Variants in CABIN1 observed in about 807,000 individuals in gnomAD.
CABIN1 encodes the protein calcineurin binding protein 1, also known as calcineurin-binding protein cabin-1.
A neutral mutation model predicts 227.7 loss-of-function variants in CABIN1; 133 were observed. The ratio of observed to expected loss-of-function variants is 0.58; its 90% CI spans 0.51 to 0.67. The LOEUF (loss-of-function observed/expected upper bound fraction) is 0.67, where lower values mean the gene tolerates loss of function less well. CABIN1 is among the 30% of genes least tolerant of loss of function. The pLI is 0.00. For synonymous variants in CABIN1, 1,086 were observed against 1,155.1 expected (o/e 0.94, Z 1.21); for missense variants, 2,408 against 2,852.5 (o/e 0.84, Z 3.55).
At chr22:24,050,044 C>T (rs1025048983) in intron 7 of CABIN1, among the ~76,000 whole-genome samples, 1 of 152,160 alleles carries the variant, frequency 6.6e-6, no homozygotes, top group Non-Finnish European at 1.5e-5. Context: ...CTGCCCTTCC[C>T]CACAGCCCTC....
chr22:24,089,754 G>A (rs1359232300), intron 23 of CABIN1, among the ~76,000 whole-genome samples: 1 of 152,202 alleles, frequency 6.6e-6, no homozygotes, highest in African/African-American at 2.4e-5. Context: ...GTGTGCTTCA[G>A]CTTTTGCCCA....
chr22:24,140,501 C>T (rs1569273005), intron 29 of CABIN1, among the ~76,000 whole-genome samples: 1 of 152,162 alleles, frequency 6.6e-6, no homozygotes, highest in Non-Finnish European at 1.5e-5. Context: ...CTGGGGCTCC[C>T]CCCGCAGGCA....
intron 29 of CABIN1, among the ~76,000 whole-genome samples, chr22:24,151,190 T>C (rs2045463107): frequency 6.6e-6 from 1 of 152,144 alleles, no homozygotes; most frequent in African/African-American, 2.4e-5. Flanking sequence ...CTGTTCCCGC[T>C]ACCTGTTCAG....
intron 1 of CABIN1, among the ~76,000 whole-genome samples, chr22:24,025,511 T>C (rs1265978059): frequency 4.6e-5 from 7 of 152,198 alleles, no homozygotes; most frequent in Non-Finnish European, 1.0e-4. Flanking sequence ...CCAGCCACTT[T>C]AGGAACATGA....
Position 24,056,232 on chromosome 22 carries a change from A to G in CABIN1, c.1134A>G (p.Lys378=), listed in dbSNP as rs2038785873. 7 of 1,614,084 alleles carry G rather than the reference A, an allele frequency of 4.3e-6. No homozygotes were observed. The East Asian group carries it at 1.6e-4, about 36-fold the overall frequency. Residue 378 remains lysine (K), a synonymous_variant, in exon 10 of 37, where the codon AAA becomes AAG. Coordinates refer to ENST00000263119, the MANE Select transcript of CABIN1 (RefSeq NM_012295.4). ...SGGDKSKKGV[K]RKKISEESGE... is the part of the protein sequence containing the mutation. ...GAGATAAATCCAAGAAAGGGGTAAAACGGAAGAAGATTTCAGAAGAGAGTG... is the reference window on the plus strand; with the variant it reads ...GAGATAAATCCAAGAAAGGGGTAAAGCGGAAGAAGATTTCAGAAGAGAGTG...
At chr22:24,176,090 A>T (rs955123171) in intron 34 of CABIN1, 21 bp from the exon 35 acceptor site, 38 of 1,606,668 alleles carry the variant, frequency 2.4e-5, no homozygotes, top group Non-Finnish European at 3.1e-5. Flanking sequence ...TATTACCTGC[A>T]GTGAGCCCAT....
At position 24,091,569 on chromosome 22, in the gene CABIN1, T is replaced by C; in HGVS notation, c.3526-14T>C. The C allele has an allele frequency of 6.2e-7, 1 of 1,614,140 alleles. No homozygotes were observed. The highest frequency in any genetic ancestry group is 2.2e-5 in the East Asian group (1 of 44,884). On this transcript the variant is annotated splice_polypyrimidine_tract_variant and intron_variant, in intron 23 of 36. Transcript: ENST00000263119. ...CAGGCGTAAGGCCAGCCCAGTCTCA[T>C]GATCTTCTTACAGATGGAGGGCCGG...
At chr22:24,017,915 A>G (rs1232826045) in intron 1 of CABIN1, among the ~76,000 whole-genome samples, 1 of 152,122 alleles carries the variant, frequency 6.6e-6, no homozygotes, top group African/African-American at 2.4e-5. Context: ...CTTGTCACCC[A>G]GGCTGGAATG....
Position 24,054,970 on chromosome 22 carries a change from G to T in CABIN1, c.904G>T (p.Asp302Tyr). The T allele has an allele frequency of 3.1e-6, 5 of 1,614,212 alleles. No individual in the cohort carries two copies. The highest frequency in any genetic ancestry group is 4.2e-6 in the Non-Finnish European group (5 of 1,180,040). ...PSLGKRIDLS[D>Y]YQDPSQPLES... Reference sequence around the variant, plus strand: ...CCTTGGCAAAAGGATTGATTTGTCGGACTACCAGGACCCCAGCCAGCCTCT... The same window carrying T: ...CCTTGGCAAAAGGATTGATTTGTCGTACTACCAGGACCCCAGCCAGCCTCT... The change falls in exon 9 of 37, where the codon GAC (aspartate) becomes TAC (tyrosine). Residue 302 changes from aspartate (D) to tyrosine (Y), a missense_variant. Asp to Tyr is a radical substitution (Grantham distance 160). This residue lies in a region of CABIN1 where 1,045 missense variants were observed against 1,168.4 expected (regional missense o/e 0.89). Transcript: ENST00000263119.
intron 26 of CABIN1, among the ~76,000 whole-genome samples, chr22:24,106,140 C>T (rs1427389865): frequency 2.6e-5 from 4 of 152,334 alleles, no homozygotes; most frequent in East Asian, 3.9e-4. Flanking sequence ...GTCTGGGAAG[C>T]GGGTGGAGTA....
intron 33 of CABIN1, among the ~76,000 whole-genome samples, chr22:24,169,015 C>T (rs549678560): frequency 1.3e-5 from 2 of 150,872 alleles, no homozygotes; most frequent in East Asian, 4.0e-4. Flanking sequence ...AGCAAGGCAG[C>T]AACACTCCTG....
At chr22:24,103,666 CAG>C (rs2042343600) in intron 26 of CABIN1, among the ~76,000 whole-genome samples, 1 of 152,172 alleles carries the variant, frequency 6.6e-6, no homozygotes, top group African/African-American at 2.4e-5. Context: ...GGGCAGGGGA[CAG>C]GGGAGGCTGT....
chr22:24,125,456 G>A (rs757797921), intron 28 of CABIN1, among the ~76,000 whole-genome samples: 13 of 152,206 alleles, frequency 8.5e-5, no homozygotes, highest in Admixed American at 6.5e-5. Context: ...CAGGTTAAAC[G>A]AGAGGGCCTC....
chr22:24,083,256 C>T lies in CABIN1; in HGVS notation c.2777C>T (p.Ala926Val). ...YVRVLQKELA[A>V]STSEDTHPYK... ...CGAGTACTCCAGAAGGAACTGGCTG[C>T]ATCCACCTCTGAAGACACGCACCCT... Residue 926 changes from alanine to valine, a missense_variant, in exon 20 of 37, where the codon GCA (alanine) becomes GTA (valine). By Grantham distance (64) the Ala-to-Val change is moderately conservative. Transcript: ENST00000263119. 1 of 1,612,754 alleles carries T rather than the reference C, an allele frequency of 6.2e-7. No homozygotes were observed. The highest frequency in any genetic ancestry group is 2.0e-4 in the Middle Eastern group (1 of 4,898).
At chr22:24,149,903 GA>G (rs2045381767) in intron 29 of CABIN1, among the ~76,000 whole-genome samples, 1 of 152,202 alleles carries the variant, frequency 6.6e-6, no homozygotes, top group Non-Finnish European at 1.5e-5. Flanking sequence ...AGGAGCCTTG[GA>G]CTCCAGGCCA....
rs373543803 is a variant in CABIN1, at chr22:24,081,616, G to A, written c.2749-1612G>A. On this transcript the variant is annotated intron_variant, in intron 19 of 36. Transcript: ENST00000263119. The stretch of plus-strand genomic sequence containing the variant: ...TTTCTTTGCTTTCTAGTTCATTACC[G>A]CTTTAATATTTCCTTTTACGTTCTT... Among the ~76,000 whole-genome samples, 5 of 151,924 alleles carry A rather than the reference G, an allele frequency of 3.3e-5. No homozygotes were observed. In the East Asian group the frequency reaches 5.8e-4, roughly 18 times the overall value.
At chr22:24,166,606 C>A in intron 31 of CABIN1, 33 bp from the exon 32 acceptor site, 1 of 1,612,442 alleles carries the variant, frequency 6.2e-7, no homozygotes, top group Non-Finnish European at 8.5e-7. Context: ...GAGACACCAG[C>A]GACACAGCTT....
At chr22:24,151,540 A>C (rs766299921) in intron 29 of CABIN1, among the ~76,000 whole-genome samples, 1 of 152,138 alleles carries the variant, frequency 6.6e-6, no homozygotes, top group Non-Finnish European at 1.5e-5. Flanking sequence ...GAAGCAGCTC[A>C]GCAGTCTTCC....
chr22:24,142,565 C>T (rs893278026), intron 29 of CABIN1, among the ~76,000 whole-genome samples: 2 of 152,212 alleles, frequency 1.3e-5, no homozygotes, highest in African/African-American at 2.4e-5. Flanking sequence ...CTCTCTCCAT[C>T]CCTCTGGCTT....
Sources: gnomAD v4.1 joint callset for allele counts (sites outside exome capture counted in the v4.1 genomes callset) on GRCh38, gnomAD v4.1.1 for gene constraint, gnomAD v4.1.1 regional missense constraint, MANE v1.5 for transcripts, NCBI Gene and HGNC (gene_info 2026-07-23, HGNC 2026-07-21) for gene names.